Variants in ARHGAP22 observed in about 807,000 individuals in gnomAD.
ARHGAP22 encodes Rho GTPase activating protein 22, also known as rho GTPase-activating protein 22.
ARHGAP22 carries 48 observed loss-of-function variants against 59.1 expected under a neutral mutation model. The ratio of observed to expected loss-of-function variants is 0.81; its 90% CI spans 0.64 to 1.03. ARHGAP22 has a LOEUF of 1.03. Ranked by LOEUF, ARHGAP22 falls within the 50% of genes least tolerant of loss-of-function variation. The pLI is 0.00. For synonymous variants in ARHGAP22, 445 were observed against 416.4 expected (o/e 1.07, Z -0.84); for missense variants, 1,015 against 958.7 (o/e 1.06, Z -0.78).
chr10:48,613,296 T>G (rs1241820172), intron 1 of ARHGAP22, among the ~76,000 whole-genome samples: 1 of 152,216 alleles, frequency 6.6e-6, no homozygotes, highest in South Asian at 2.1e-4. Flanking sequence ...AGGTCACTGA[T>G]GAGCATCTAG....
chr10:48,491,098 C>G (rs2050345644), intron 3 of ARHGAP22, among the ~76,000 whole-genome samples: 1 of 152,196 alleles, frequency 6.6e-6, no homozygotes, highest in African/African-American at 2.4e-5. Context: ...CCACAGAGAC[C>G]TGGTAGAGGC....
intron 2 of ARHGAP22, among the ~76,000 whole-genome samples, chr10:48,579,808 G>A (rs890531264): frequency 6.6e-6 from 1 of 152,194 alleles, no homozygotes; most frequent in African/African-American, 2.4e-5. Context: ...TGAGAACAGT[G>A]AGCAGGGCAT....
chr10:48,600,345 T>A (rs1367800866), intron 1 of ARHGAP22, among the ~76,000 whole-genome samples: 1 of 152,138 alleles, frequency 6.6e-6, no homozygotes, highest in Non-Finnish European at 1.5e-5. Context: ...CAGAAAAGTG[T>A]CACTCTGGTT....
intron 2 of ARHGAP22, among the ~76,000 whole-genome samples, chr10:48,572,078 T>G (rs1291212827): frequency 6.6e-6 from 1 of 152,186 alleles, no homozygotes; most frequent in Non-Finnish European, 1.5e-5. Context: ...TACATCCTTC[T>G]TCAGTTTAGA....
chr10:48,611,970 G>A (rs988979235), intron 1 of ARHGAP22, among the ~76,000 whole-genome samples: 10 of 149,610 alleles, frequency 6.7e-5, no homozygotes, highest in African/African-American at 1.5e-4. Flanking sequence ...CTACAGGTGC[G>A]TGCCACCACA....
In ARHGAP22 at chr10:48,552,630, G is replaced by A. The variant is rs186888513; in HGVS notation, c.322+2833C>T. Among the ~76,000 whole-genome samples, 153 of 152,316 alleles carry A rather than the reference G, an allele frequency of 1.0e-3. No individual in the cohort carries two copies. The Middle Eastern group carries it at 0.017, about 17-fold the overall frequency. On this transcript the variant is annotated intron_variant, in intron 3 of 9. Coordinates refer to ENST00000249601, the MANE Select transcript of ARHGAP22 (RefSeq NM_021226.4). ...TGAGGATAAGTCCTTATTGTGCCTT[G>A]AGCTCAGGAAGAAAATGTCCCCAGA...
chr10:48,584,872 T>A (rs573437926), intron 1 of ARHGAP22, among the ~76,000 whole-genome samples: 1 of 152,052 alleles, frequency 6.6e-6, no homozygotes, highest in African/African-American at 2.4e-5. Flanking sequence ...CAGGAGCCTG[T>A]AGTCCCAGCT....
chr10:48,562,254 A>G (rs2057738034), intron 2 of ARHGAP22, among the ~76,000 whole-genome samples: 1 of 145,406 alleles, frequency 6.9e-6, no homozygotes, highest in Non-Finnish European at 1.5e-5. Context: ...AGAGTTAAAT[A>G]CACACCTGGG....
At chr10:48,567,329 G>A (rs1455168491) in intron 2 of ARHGAP22, among the ~76,000 whole-genome samples, 3 of 152,150 alleles carry the variant, frequency 2.0e-5, no homozygotes, top group Non-Finnish European at 4.4e-5. Context: ...TAATGCCTGC[G>A]ACCATGCTCA....
At chr10:48,483,166 C>T (rs957378976) in intron 3 of ARHGAP22, among the ~76,000 whole-genome samples, 1 of 152,174 alleles carries the variant, frequency 6.6e-6, no homozygotes, top group Non-Finnish European at 1.5e-5. Flanking sequence ...TTTCTTTATC[C>T]ATTCATCCAC....
chr10:48,454,659 C>T (rs951437529), intron 6 of ARHGAP22, among the ~76,000 whole-genome samples: 8 of 152,236 alleles, frequency 5.3e-5, no homozygotes, highest in South Asian at 2.1e-4. Flanking sequence ...GAGCCTGTGA[C>T]GGGCCTGAGT....
chr10:48,524,179 G>A (rs2054102454), intron 3 of ARHGAP22: 2 of 1,097,546 alleles, frequency 1.8e-6, no homozygotes, highest in Middle Eastern at 3.9e-4. Flanking sequence ...CGCGGCCGAG[G>A]TCCGGCCCAC....
At chr10:48,618,802 C>T (rs1565008156) in intron 1 of ARHGAP22, among the ~76,000 whole-genome samples, 1 of 152,100 alleles carries the variant, frequency 6.6e-6, no homozygotes, top group South Asian at 2.1e-4. Flanking sequence ...AGGATGCCCA[C>T]TCTCGCCACT....
chr10:48,459,128 C>T (rs1589482627), intron 5 of ARHGAP22, among the ~76,000 whole-genome samples: 1 of 146,608 alleles, frequency 6.8e-6, no homozygotes, highest in Non-Finnish European at 1.5e-5. Flanking sequence ...CGGCCCTAGG[C>T]TGGGGGTATA....
At chr10:48,647,239 C>T (rs1256017213) in intron 1 of ARHGAP22, among the ~76,000 whole-genome samples, 5 of 152,034 alleles carry the variant, frequency 3.3e-5, no homozygotes, top group Admixed American at 2.6e-4. Context: ...ACTAAAAAGA[C>T]AATAACTAGC....
chr10:48,454,016 G>A (rs2046252471), intron 7 of ARHGAP22, 72 bp downstream of exon 7: 4 of 1,478,612 alleles, frequency 2.7e-6, no homozygotes, highest in Non-Finnish European at 3.8e-6. Context: ...AGAGTTGCGT[G>A]TCTCGCTGTG....
intron 3 of ARHGAP22, among the ~76,000 whole-genome samples, chr10:48,554,423 G>T (rs2057142438): frequency 6.6e-6 from 1 of 152,206 alleles, no homozygotes; most frequent in Non-Finnish European, 1.5e-5. Flanking sequence ...CTGGGCCACA[G>T]TGAGGCCCTA....
intron 1 of ARHGAP22, among the ~76,000 whole-genome samples, chr10:48,586,460 G>A (rs114285685): frequency 0.013 from 2,005 of 152,310 alleles, 37 homozygotes; most frequent in African/African-American, 0.044. Flanking sequence ...TGGAGATGGC[G>A]CAGTGGATGT....
At chr10:48,531,435 A>C (rs1175051240) in intron 3 of ARHGAP22, among the ~76,000 whole-genome samples, 1 of 152,210 alleles carries the variant, frequency 6.6e-6, no homozygotes, top group Non-Finnish European at 1.5e-5. Context: ...TTTTTTTAAA[A>C]AAGGAAAATA....
Sources: allele counts gnomAD v4.1 joint callset (sites outside exome capture counted in the v4.1 genomes callset), GRCh38; gene constraint gnomAD v4.1.1; transcripts MANE v1.5; gene names NCBI Gene and HGNC (gene_info 2026-07-23, HGNC 2026-07-21).